The following STXBP5L variants were observed in gnomAD, a reference collection of about 807,000 sequenced individuals.
STXBP5L encodes syntaxin binding protein 5L, also known as syntaxin-binding protein 5-like.
In STXBP5L, 65 loss-of-function variants were observed where a neutral mutation model predicts 144.5. That is an observed-to-expected ratio of 0.45 (90% confidence interval 0.37 to 0.55). The LOEUF (loss-of-function observed/expected upper bound fraction) is 0.55, where lower values mean the gene tolerates loss of function less well. STXBP5L is among the 20% of genes least tolerant of loss of function. STXBP5L has a pLI of 0.00. For synonymous variants in STXBP5L, 505 were observed against 469.6 expected (o/e 1.08, Z -0.97); for missense variants, 1,298 against 1,405.5 (o/e 0.92, Z 1.22).
At chr3:121,387,559 T>A (rs566264832) in intron 22 of STXBP5L, among the ~76,000 whole-genome samples, 2 of 152,368 alleles carry the variant, frequency 1.3e-5, no homozygotes, top group South Asian at 4.1e-4. Flanking sequence ...AAGTCTTTAA[T>A]CCATCTTGAA....
At chr3:121,325,558 G>A (rs1004999996) in intron 20 of STXBP5L, among the ~76,000 whole-genome samples, 1 of 151,940 alleles carries the variant, frequency 6.6e-6, no homozygotes, top group African/African-American at 2.4e-5. Context: ...GCTGTGAAAT[G>A]TTTTAACAAA....
intron 5 of STXBP5L, among the ~76,000 whole-genome samples, chr3:121,091,876 C>G (rs2042818583): frequency 6.6e-6 from 1 of 152,120 alleles, no homozygotes; most frequent in African/African-American, 2.4e-5. Context: ...ATGGTAATGC[C>G]TAGGTTTTCT....
At chr3:121,188,183 G>A (rs939886341) in intron 9 of STXBP5L, among the ~76,000 whole-genome samples, 4 of 152,070 alleles carry the variant, frequency 2.6e-5, no homozygotes, top group Non-Finnish European at 4.4e-5. Context: ...GCACCAAGTG[G>A]ACCTAATAGA....
rs538160579 is a variant in STXBP5L, at chr3:121,072,507, T to A, written c.470+26972T>A. On this transcript the variant is annotated intron_variant, in intron 5 of 26. Coordinates refer to ENST00000471454, the MANE Select transcript of STXBP5L (RefSeq NM_001308330.2). ...GAAACTGCTTTATGAACCGGGGGGCTATTGCTTCTGCGATGGCAAGCCTCC... is the reference window on the plus strand; with the variant it reads ...GAAACTGCTTTATGAACCGGGGGGCAATTGCTTCTGCGATGGCAAGCCTCC... Among the ~76,000 whole-genome samples, 6 of 152,372 alleles carry A rather than the reference T, an allele frequency of 3.9e-5. No individual in the cohort carries two copies. The South Asian group carries it at 1.0e-3, about 26-fold the overall frequency.
At chr3:121,418,307 G>A in intron 25 of STXBP5L, 30 bp from the exon 26 acceptor site, 2 of 1,593,270 alleles carry the variant, frequency 1.3e-6, no homozygotes, top group Non-Finnish European at 1.7e-6. Flanking sequence ...CTGACAAAAT[G>A]TTTTAAATTG....
At chr3:121,072,752 TTTG>T (rs1328926582) in intron 5 of STXBP5L, among the ~76,000 whole-genome samples, 1 of 152,208 alleles carries the variant, frequency 6.6e-6, no homozygotes, top group Non-Finnish European at 1.5e-5. Context: ...CCTCCTCCTG[TTTG>T]TTGTTCTTTG....
chr3:120,909,621 G>A lies in STXBP5L; in HGVS notation c.43G>A (p.Ala15Thr), dbSNP rs545659804. Residue 15 changes from alanine (A) to threonine (T), a missense_variant, in exon 2 of 27, where the codon GCC becomes ACC. Coordinates refer to ENST00000471454, the MANE Select transcript of STXBP5L (RefSeq NM_001308330.2). ...CCGAAAAGTTTTGGATGGCTTAACT[G>A]CCTCCTCCCCTGGCAGTGGTAGCAG... Reference protein sequence around the residue: ...NFRKVLDGLTASSPGSGSSSG... With the variant: ...NFRKVLDGLTTSSPGSGSSSG... The A allele has an allele frequency of 1.2e-6, 2 of 1,613,468 alleles. No individual in the cohort carries two copies. Among genetic ancestry groups the A allele is most frequent in the African/African-American group, 1.3e-5 (1 of 74,950 alleles).
intron 5 of STXBP5L, among the ~76,000 whole-genome samples, chr3:121,113,672 C>T (rs200013831): frequency 0.084 from 10,274 of 122,544 alleles, 807 homozygotes; most frequent in Admixed American, 0.17. Context: ...TTTTCTTTTT[C>T]TTTTTTTTTT....
At chr3:120,948,636 T>G (rs575003156) in intron 2 of STXBP5L, among the ~76,000 whole-genome samples, 2 of 152,004 alleles carry the variant, frequency 1.3e-5, no homozygotes, top group Non-Finnish European at 2.9e-5. Flanking sequence ...CTCTTACTTA[T>G]ATGTGAGAAC....
intron 15 of STXBP5L, among the ~76,000 whole-genome samples, chr3:121,252,163 C>G (rs1227486117): frequency 6.6e-6 from 1 of 152,116 alleles, no homozygotes; most frequent in East Asian, 1.9e-4. Flanking sequence ...AGTTCAGAAC[C>G]AGCCTGGGCA....
chr3:121,393,747 T>A (rs1367373118), intron 22 of STXBP5L, among the ~76,000 whole-genome samples: 2 of 152,222 alleles, frequency 1.3e-5, no homozygotes, highest in African/African-American at 4.8e-5. Context: ...GTTGTAGGTA[T>A]ATAGTTTTAT....
rs187486966 is a variant in STXBP5L at position 120,927,039 on chromosome 3, G to A, written c.189+17272G>A. On this transcript the variant is annotated intron_variant, in intron 2 of 26. Coordinates refer to ENST00000471454, the MANE Select transcript of STXBP5L (RefSeq NM_001308330.2). ...CAACCTCCGCCTGCCAGGTTCAAGC[G>A]GTTCTCCTGCCTCAGCCTCCCGAGT... Among the ~76,000 whole-genome samples the A allele has an allele frequency of 6.1e-4, 93 of 151,452 alleles. 1 individual carries two copies. The highest frequency in any genetic ancestry group is 1.6e-3 in the African/African-American group (66 of 41,216).
chr3:121,335,993 T>C lies in STXBP5L; in HGVS notation c.2176+17453T>C, dbSNP rs187015281. ...CAGTGTAAACAGACAGCCTACAGAATGGGAGAAAATATTTTCAAACTATGC... is the reference window on the plus strand; with the variant it reads ...CAGTGTAAACAGACAGCCTACAGAACGGGAGAAAATATTTTCAAACTATGC... On this transcript the variant is annotated intron_variant, in intron 20 of 26. Coordinates refer to ENST00000471454, the MANE Select transcript of STXBP5L (RefSeq NM_001308330.2). Among the ~76,000 whole-genome samples the C allele has an allele frequency of 3.0e-3, 454 of 152,176 alleles. 2 individuals are homozygous for C. The highest frequency in any genetic ancestry group is 2.3e-3 in the Non-Finnish European group (157 of 67,992).
At chr3:121,020,668 A>G (rs2108209436) in intron 3 of STXBP5L, among the ~76,000 whole-genome samples, 1 of 152,304 alleles carries the variant, frequency 6.6e-6, no homozygotes, top group South Asian at 2.1e-4. Flanking sequence ...ACTAAGCTTC[A>G]TAAATGAAGG....
chr3:121,004,268 C>A (rs1944061068), intron 3 of STXBP5L, among the ~76,000 whole-genome samples: 1 of 151,508 alleles, frequency 6.6e-6, no homozygotes. Context: ...TCCTTCACAT[C>A]CCTTGTAAGT....
intron 22 of STXBP5L, among the ~76,000 whole-genome samples, chr3:121,406,144 T>TA (rs1007416900): frequency 1.1e-4 from 17 of 152,118 alleles, no homozygotes; most frequent in Middle Eastern, 3.4e-3. Flanking sequence ...CCTTAACCCT[T>TA]AAACTGCAGC....
At chr3:121,129,136 TC>T (rs1279052230) in intron 7 of STXBP5L, among the ~76,000 whole-genome samples, 1 of 152,024 alleles carries the variant, frequency 6.6e-6, no homozygotes, top group African/African-American at 2.4e-5. Flanking sequence ...TCACAGTAGA[TC>T]TAGTGGGTAT....
intron 5 of STXBP5L, among the ~76,000 whole-genome samples, chr3:121,097,320 G>T (rs553357744): frequency 6.6e-6 from 1 of 152,132 alleles, no homozygotes; most frequent in Non-Finnish European, 1.5e-5. Flanking sequence ...GGAGTGAACG[G>T]TTCTGTCTTG....
At chr3:121,398,313 G>C (rs1169412679) in intron 22 of STXBP5L, among the ~76,000 whole-genome samples, 1 of 152,226 alleles carries the variant, frequency 6.6e-6, no homozygotes, top group East Asian at 1.9e-4. Flanking sequence ...CTTTTGTGGG[G>C]GTTCCCCAGG....
Sources: gnomAD v4.1 joint callset for allele counts (sites outside exome capture counted in the v4.1 genomes callset) on GRCh38, gnomAD v4.1.1 for gene constraint, MANE v1.5 for transcripts, NCBI Gene and HGNC (gene_info 2026-07-23, HGNC 2026-07-21) for gene names.